The following CFAP77 variants were observed in gnomAD, a reference collection of about 807,000 sequenced individuals.
The protein encoded by CFAP77 is cilia and flagella associated protein 77.
Under a neutral mutation model 31.1 loss-of-function variants are expected in CFAP77, and 25 were observed. The observed-to-expected ratio is 0.80, with a 90% CI of 0.59 to 1.12. The LOEUF (loss-of-function observed/expected upper bound fraction) is 1.12, where lower values mean the gene tolerates loss of function less well. CFAP77 is among the 50% of genes most tolerant of loss of function. The probability of loss-of-function intolerance (pLI) is 0.00; values close to 1 mark genes in which losing one functional copy is unlikely to be tolerated. For synonymous variants in CFAP77, 151 were observed against 159.9 expected, an observed-to-expected ratio of 0.94 and a Z score of 0.42; for missense variants, 377 against 397.3, an observed-to-expected ratio of 0.95 and a Z score of 0.44.
chr9:132,468,556 C>T (rs1211635183), intron 1 of CFAP77, among the ~76,000 whole-genome samples: 1 of 152,148 alleles, frequency 6.6e-6, no homozygotes, highest in African/African-American at 2.4e-5. Context: ...AAATGTCCCT[C>T]CCTCCAGGAA....
chr9:132,534,402 G>A (rs1287360165), intron 3 of CFAP77, among the ~76,000 whole-genome samples: 1 of 152,024 alleles, frequency 6.6e-6, no homozygotes, highest in East Asian at 1.9e-4. Context: ...CACGAGGTCA[G>A]GAGATCAAGA....
intron 1 of CFAP77, among the ~76,000 whole-genome samples, chr9:132,476,338 T>C (rs1484102568): frequency 6.6e-6 from 1 of 152,052 alleles, no homozygotes; most frequent in East Asian, 1.9e-4. Context: ...TGACCCACCC[T>C]CCTCTTGTGG....
intron 1 of CFAP77, among the ~76,000 whole-genome samples, chr9:132,448,919 T>C (rs1475363322): frequency 6.6e-6 from 1 of 151,376 alleles, no homozygotes; most frequent in South Asian, 2.1e-4. Flanking sequence ...AGTCGGGGAG[T>C]GGAGATACAC....
At chr9:132,447,400 A>T (rs747338760) in intron 1 of CFAP77, among the ~76,000 whole-genome samples, 1 of 152,202 alleles carries the variant, frequency 6.6e-6, no homozygotes, top group Admixed American at 6.5e-5. Flanking sequence ...TTCAAATCCC[A>T]GTTTCATTTG....
intron 3 of CFAP77, among the ~76,000 whole-genome samples, chr9:132,521,778 T>TTTTG (rs1554747338): frequency 9.4e-6 from 1 of 106,152 alleles, no homozygotes. Context: ...TTTTTTTTTT[T>TTTTG]TTTTTTGAGA....
chr9:132,412,650 C>G (rs934400386), intron 1 of CFAP77, among the ~76,000 whole-genome samples: 1 of 150,176 alleles, frequency 6.7e-6, no homozygotes, highest in Non-Finnish European at 1.5e-5. Context: ...TTGTTTTGCT[C>G]AAGGTTTTGG....
At chr9:132,438,541 A>ATTTTTTTTT (rs10641294) in intron 1 of CFAP77, among the ~76,000 whole-genome samples, 2 of 108,154 alleles carry the variant, frequency 1.8e-5, no homozygotes, top group Non-Finnish European at 1.8e-5. Flanking sequence ...ATATATATAT[A>ATTTTTTTTT]TTTTTTTTTT....
rs539668374 is a variant in CFAP77 at position 132,499,250 on chromosome 9, C to T, written c.296-122C>T. 2.6e-4 allele frequency: 218 copies of T among 827,942 alleles called. 2 individuals are homozygous for T. In the African/African-American group the frequency reaches 3.5e-3, roughly 13 times the overall value. 51.3% of individuals were successfully genotyped at this position (827,942 alleles called of 1,614,324 possible). A position where few individuals can be genotyped will look rare whatever the true frequency, so the allele number is the denominator to read the frequency against. On this transcript the variant is annotated intron_variant, in intron 2 of 5. Coordinates refer to ENST00000393216, the MANE Select transcript of CFAP77 (RefSeq NM_001282957.2). The surrounding 1 kb of genome is among the most constrained non-coding windows in gnomAD (Gnocchi z 5.4). ...CTGGGGGCCAGGCAGGGTTGTCACC[C>T]AGTAGGCTCAGGTAAATGGGAAGGC...
chr9:132,419,296 G>A (rs1564197423), intron 1 of CFAP77, among the ~76,000 whole-genome samples: 1 of 152,184 alleles, frequency 6.6e-6, no homozygotes. Context: ...TGGAGGCTCA[G>A]AACTCTTTGA....
chr9:132,465,619 AG>A (rs1480814609), intron 1 of CFAP77, among the ~76,000 whole-genome samples: 2 of 152,194 alleles, frequency 1.3e-5, no homozygotes, highest in Non-Finnish European at 2.9e-5. Context: ...GGGGGACCTC[AG>A]TGGGTGAGAT....
chr9:132,515,659 T>A (rs997582343), intron 3 of CFAP77, among the ~76,000 whole-genome samples: 1 of 152,018 alleles, frequency 6.6e-6, no homozygotes, highest in Non-Finnish European at 1.5e-5. Context: ...TTCCCTCTTC[T>A]CTCTCCCCTC....
intron 3 of CFAP77, among the ~76,000 whole-genome samples, chr9:132,532,153 G>A (rs1852464142): frequency 6.6e-6 from 1 of 152,248 alleles, no homozygotes; most frequent in Non-Finnish European, 1.5e-5. Context: ...AGGCTGCTGT[G>A]TGAAGGACCT....
intron 1 of CFAP77, among the ~76,000 whole-genome samples, chr9:132,467,372 C>T (rs892451669): frequency 2.6e-5 from 4 of 152,130 alleles, no homozygotes; most frequent in Non-Finnish European, 5.9e-5. Flanking sequence ...CCCCTCAGCT[C>T]CTGGCAATCA....
Position 132,552,147 on chromosome 9 carries a change from G to A in CFAP77, c.732+9100G>A, listed in dbSNP as rs1473795745. 6.6e-6 allele frequency among the ~76,000 whole-genome samples: 1 copy of A among 152,252 alleles called. No homozygotes were observed. The highest frequency in any genetic ancestry group is 1.5e-5 in the Non-Finnish European group (1 of 68,044). On this transcript the variant is annotated intron_variant, in intron 5 of 5. Coordinates refer to ENST00000393216, the MANE Select transcript of CFAP77 (RefSeq NM_001282957.2). This position sits in a 1 kb window ranked among gnomAD's most constrained non-coding sequence, Gnocchi z 5.5. ...GGAGGGCTGGGTCTGTCTGTGGGCT[G>A]GGCAGCCATGCAGAGTGGCTCCAGG... is the stretch of plus-strand genomic sequence containing the variant.
At chr9:132,521,235 A>C (rs918288484) in intron 3 of CFAP77, among the ~76,000 whole-genome samples, 1 of 152,176 alleles carries the variant, frequency 6.6e-6, no homozygotes, top group African/African-American at 2.4e-5. Flanking sequence ...TCAAGAGGCC[A>C]CGTGTCCTCG....
rs1007604780 is a variant in CFAP77 at position 132,521,170 on chromosome 9, G to C, written c.525-16431G>C. 2.0e-5 allele frequency among the ~76,000 whole-genome samples: 3 copies of C among 152,288 alleles called. No individual in the cohort carries two copies. The East Asian group carries it at 5.8e-4, about 29-fold the overall frequency. On this transcript the variant is annotated intron_variant, in intron 3 of 5. Transcript: ENST00000393216. ...TCCAGGGCAGTGAGGATACAGGATC[G>C]GCCCTGACATGCCGACTTAATGGCT...
intron 5 of CFAP77, among the ~76,000 whole-genome samples, chr9:132,543,431 G>A (rs949828637): frequency 2.0e-5 from 3 of 152,002 alleles, no homozygotes; most frequent in Non-Finnish European, 4.4e-5. Context: ...AGGCTGTCTA[G>A]CTGGGGAAGG....
chr9:132,536,786 T>C (rs1428367885), intron 3 of CFAP77, among the ~76,000 whole-genome samples: 1 of 152,206 alleles, frequency 6.6e-6, no homozygotes, highest in African/African-American at 2.4e-5. Context: ...CTGGGAGCAG[T>C]TGGCCATTCG....
intron 4 of CFAP77, among the ~76,000 whole-genome samples, chr9:132,542,256 C>A (rs188926843): frequency 2.0e-5 from 3 of 152,242 alleles, no homozygotes; most frequent in African/African-American, 7.2e-5. Context: ...CATCCCCAGC[C>A]GCCTACGCCC....
Sources: allele counts gnomAD v4.1 joint callset (sites outside exome capture counted in the v4.1 genomes callset), GRCh38; gene constraint gnomAD v4.1.1; non-coding constraint Gnocchi (gnomAD v3.1); transcripts MANE v1.5; gene names NCBI Gene and HGNC (gene_info 2026-07-23, HGNC 2026-07-21).